Variants in WDR5 observed in about 807,000 individuals in gnomAD.
WDR5 encodes the protein WD repeat domain 5, also known as WD repeat-containing protein 5.
For synonymous variants in WDR5, 144 were observed against 161.6 expected, an observed-to-expected ratio of 0.89 and a Z score of 0.83; for missense variants, 187 against 416.9, an observed-to-expected ratio of 0.45 and a Z score of 4.80.
chr9:134,156,884 C>T (rs1056415224), intron 13 of WDR5, among the ~76,000 whole-genome samples: 2 of 152,240 alleles, frequency 1.3e-5, no homozygotes, highest in African/African-American at 2.4e-5. Flanking sequence ...GGGTGCAGCC[C>T]GTCCCACGTC....
intron 1 of WDR5, among the ~76,000 whole-genome samples, chr9:134,136,972 G>A (rs977970229): frequency 1.3e-5 from 2 of 152,204 alleles, no homozygotes; most frequent in Non-Finnish European, 2.9e-5. Flanking sequence ...CCCAGGCGGG[G>A]AGCCTGTCCA....
chr9:134,142,188 G>T, intron 5 of WDR5, 145 bp from the exon 6 acceptor site: 1 of 985,492 alleles, frequency 1.0e-6, no homozygotes, highest in Non-Finnish European at 1.5e-6. Context: ...GGGTGGGTGG[G>T]GGAGGCCGAG....
intron 3 of WDR5, among the ~76,000 whole-genome samples, chr9:134,141,259 C>A (rs534085835): frequency 2.0e-5 from 3 of 152,270 alleles, no homozygotes; most frequent in Admixed American, 6.5e-5. Flanking sequence ...GCACTCCAGC[C>A]TGGGCGACAG....
At chr9:134,150,491 A>C (rs953149601) in intron 8 of WDR5, among the ~76,000 whole-genome samples, 1 of 152,214 alleles carries the variant, frequency 6.6e-6, no homozygotes, top group African/African-American at 2.4e-5. Context: ...TCTTTCTATG[A>C]AAATCAGAAG....
At chr9:134,148,477 C>T (rs1342608976) in intron 8 of WDR5, 134 bp downstream of exon 8, 1 of 759,058 alleles carries the variant, frequency 1.3e-6, no homozygotes, top group African/African-American at 1.8e-5. Context: ...CTCTTCTGGC[C>T]ACGCTGCAGA....
In WDR5 at chr9:134,142,326, G is replaced by A. The variant is rs188090084; in HGVS notation, c.355-7G>A. ...ACTGGAATAATCCTAATAATACTCT[G>A]TTATAGGGCAAGTGTCTGAAAACCC... On this transcript the variant is annotated splice_region_variant and splice_polypyrimidine_tract_variant and intron_variant, in intron 5 of 13. Coordinates refer to ENST00000358625, the MANE Select transcript of WDR5 (RefSeq NM_017588.3). The A allele has an allele frequency of 6.2e-6, 10 of 1,612,902 alleles. No homozygotes were observed. In the East Asian group the frequency reaches 1.1e-4, roughly 18 times the overall value.
intron 9 of WDR5, among the ~76,000 whole-genome samples, chr9:134,152,916 C>T (rs1369883377): frequency 6.6e-6 from 1 of 152,176 alleles, no homozygotes; most frequent in African/African-American, 2.4e-5. Flanking sequence ...CTGGTGCCTC[C>T]GTGTGTCCAA....
At chr9:134,148,393 C>A in intron 8 of WDR5, 50 bp downstream of exon 8, 2 of 1,517,778 alleles carry the variant, frequency 1.3e-6, no homozygotes, top group Non-Finnish European at 1.8e-6. Context: ...TAACTAAGGG[C>A]CAGCTCTTGC....
At chr9:134,153,265 A>G (rs1214838529) in intron 9 of WDR5, among the ~76,000 whole-genome samples, 1 of 152,164 alleles carries the variant, frequency 6.6e-6, no homozygotes, top group African/African-American at 2.4e-5. Flanking sequence ...CACTAGCCCA[A>G]AGCTCCACAG....
chr9:134,152,193 C>T (rs1468851237), intron 9 of WDR5, among the ~76,000 whole-genome samples, 164 bp downstream of exon 9: 3 of 152,260 alleles, frequency 2.0e-5, no homozygotes, highest in Non-Finnish European at 2.9e-5. Context: ...TCCCCCTGAC[C>T]GCCCGCTGGC....
At chr9:134,137,685 A>AAC (rs1554725605) in intron 1 of WDR5, among the ~76,000 whole-genome samples, 16 of 108,466 alleles carry the variant, frequency 1.5e-4, no homozygotes, top group South Asian at 3.6e-4. Context: ...AAACAAAAAC[A>AAC]AAAAAAAAAC....
intron 1 of WDR5, among the ~76,000 whole-genome samples, 157 bp downstream of exon 1, chr9:134,136,357 G>T (rs1366178287): frequency 1.3e-5 from 2 of 150,646 alleles, no homozygotes; most frequent in African/African-American, 4.9e-5. Context: ...CCCCGCCCGG[G>T]ACCCCCGCCC....
At chr9:134,155,821 A>G in intron 12 of WDR5, 54 bp downstream of exon 12, 1 of 1,540,870 alleles carries the variant, frequency 6.5e-7, no homozygotes, top group Non-Finnish European at 8.9e-7. Flanking sequence ...CTCTCCCGAG[A>G]GGTCACACCT....
chr9:134,146,703 C>T (rs1168646275), intron 7 of WDR5, among the ~76,000 whole-genome samples: 1 of 152,238 alleles, frequency 6.6e-6, no homozygotes. Context: ...CAAAGCAAAG[C>T]ATGGAGTTGG....
intron 9 of WDR5, among the ~76,000 whole-genome samples, chr9:134,153,480 C>A (rs146049916): frequency 6.6e-6 from 1 of 152,264 alleles, no homozygotes; most frequent in South Asian, 2.1e-4. Context: ...CATGCGGACA[C>A]GCTTGCCATC....
At chr9:134,153,860 G>C (rs1832617972) in intron 9 of WDR5, among the ~76,000 whole-genome samples, 1 of 152,200 alleles carries the variant, frequency 6.6e-6, no homozygotes, top group East Asian at 1.9e-4. Flanking sequence ...ACTTCTGAGG[G>C]TCGTGGGGTT....
chr9:134,143,902 A>G (rs28593202), intron 7 of WDR5, among the ~76,000 whole-genome samples: 11,620 of 152,094 alleles, frequency 0.076, 912 homozygotes, highest in African/African-American at 0.2. Flanking sequence ...TCCATTTCAC[A>G]AAGTGGCCAG....
intron 6 of WDR5, 58 bp from the exon 7 acceptor site, chr9:134,142,578 T>C: frequency 6.3e-7 from 1 of 1,595,222 alleles, no homozygotes; most frequent in Non-Finnish European, 8.6e-7. Flanking sequence ...TCTTAGGTTC[T>C]GGGGAGGTTT....
At chr9:134,135,711 A>T (rs1346708670), upstream of WDR5, 1 of 151,836 alleles carries the variant, frequency 6.6e-6, no homozygotes, top group Non-Finnish European at 1.5e-5. Flanking sequence ...TCGCCCGGGG[A>T]GGTGCCCCGG....
Sources: allele counts gnomAD v4.1 joint callset (sites outside exome capture counted in the v4.1 genomes callset), GRCh38; gene constraint gnomAD v4.1.1; transcripts MANE v1.5; gene names NCBI Gene and HGNC (gene_info 2026-07-23, HGNC 2026-07-21).